The following CACNA1E variants were observed in gnomAD, a reference collection of about 807,000 sequenced individuals.
The protein encoded by CACNA1E is calcium voltage-gated channel subunit alpha1 E, also known as voltage-dependent R-type calcium channel subunit alpha-1E.
CACNA1E carries 40 observed loss-of-function variants against 259.2 expected under a neutral mutation model. That is an observed-to-expected ratio of 0.15 (90% CI 0.12 to 0.20). The LOEUF (loss-of-function observed/expected upper bound fraction) is 0.20, where lower values mean the gene tolerates loss of function less well. Ranked by LOEUF, CACNA1E falls within the 10% of genes least tolerant of loss-of-function variation. CACNA1E has a pLI of 1.00. For missense variants in CACNA1E, 1,874 were observed against 3,040.1 expected (o/e 0.62, Z 9.02); for synonymous variants, 1,104 against 1,138.5 (o/e 0.97, Z 0.61).
At chr1:181,739,396 C>T (rs150969246) in intron 25 of CACNA1E, 143 bp downstream of exon 25, 4 of 661,588 alleles carry the variant, frequency 6.0e-6, no homozygotes, top group East Asian at 5.3e-5. Context: ...CAGTCGCCCC[C>T]AGCAGAGCTC....
chr1:181,416,775 A>C (rs1658304796), intron 2 of CACNA1E, among the ~76,000 whole-genome samples: 1 of 152,110 alleles, frequency 6.6e-6, no homozygotes, highest in African/African-American at 2.4e-5. Flanking sequence ...TGTGGCGTGC[A>C]TGTCATCAGA....
chr1:181,348,742 TA>T (rs1482477417), intron 1 of CACNA1E, among the ~76,000 whole-genome samples: 1 of 152,206 alleles, frequency 6.6e-6, no homozygotes, highest in Non-Finnish European at 1.5e-5. Flanking sequence ...TTGAAAGCCA[TA>T]TTCTGCTTTC....
chr1:181,756,694 A>G (rs1658116947), intron 29 of CACNA1E, among the ~76,000 whole-genome samples: 1 of 152,208 alleles, frequency 6.6e-6, no homozygotes. Context: ...CTAAACTATG[A>G]AATGGTGTCC....
chr1:181,710,865 C>A lies in CACNA1E; in HGVS notation c.1056-89C>A, dbSNP rs1653282372. On this transcript the variant is annotated intron_variant, in intron 7 of 47. Coordinates refer to ENST00000367573, the MANE Select transcript of CACNA1E (RefSeq NM_001205293.3). ...CATGGGCTTAATAGAGGTACTTGCT[C>A]AGATGCTCTCTCTCTGTTGCTTGAT... 6.5e-6 allele frequency: 6 copies of A among 928,782 alleles called. No homozygotes were observed. The South Asian group carries it at 6.8e-5, about 11-fold the overall frequency. The allele number at this position is 928,782 out of a possible 1,614,324, so 57.5% of individuals were successfully genotyped here. A position where few individuals can be genotyped will look rare whatever the true frequency, so the allele number is the denominator to read the frequency against.
At chr1:181,715,446 G>A in intron 9 of CACNA1E, 55 bp downstream of exon 9, 1 of 949,234 alleles carries the variant, frequency 1.1e-6, no homozygotes, top group Non-Finnish European at 1.7e-6. Context: ...CTTAGGCGAT[G>A]GCAATCTCTG....
At chr1:181,787,290 TTAG>T (rs908563504) in intron 43 of CACNA1E, among the ~76,000 whole-genome samples, 1 of 152,120 alleles carries the variant, frequency 6.6e-6, no homozygotes, top group Non-Finnish European at 1.5e-5. Context: ...CAGCTAATTT[TTAG>T]TAGAGACGGG....
chr1:181,365,872 G>A (rs1013622929), intron 1 of CACNA1E, among the ~76,000 whole-genome samples: 1 of 152,252 alleles, frequency 6.6e-6, no homozygotes, highest in Non-Finnish European at 1.5e-5. Flanking sequence ...AGAGGAAGTG[G>A]ACAAGGGGGC....
intron 7 of CACNA1E, among the ~76,000 whole-genome samples, chr1:181,665,148 T>C (rs1429493444): frequency 1.1e-5 from 1 of 94,480 alleles, no homozygotes; most frequent in Non-Finnish European, 2.1e-5. Flanking sequence ...TGTATACCTA[T>C]ATACCTATAC....
At chr1:181,461,815 T>C (rs1661837211) in intron 2 of CACNA1E, among the ~76,000 whole-genome samples, 1 of 152,092 alleles carries the variant, frequency 6.6e-6, no homozygotes, top group African/African-American at 2.4e-5. Flanking sequence ...ACATTTGTTA[T>C]AGAAAATATG....
chr1:181,687,948 C>T (rs1267819367), intron 7 of CACNA1E, among the ~76,000 whole-genome samples: 2 of 152,096 alleles, frequency 1.3e-5, no homozygotes, highest in Non-Finnish European at 2.9e-5. Context: ...TAACTCAATT[C>T]CCTCATAACC....
rs1284163110 is a variant in CACNA1E, at chr1:181,732,556, C to T, written c.2470C>T (p.Pro824Ser). Residue 824 changes from proline to serine, a missense_variant, in exon 20 of 48, where the codon CCC (proline) becomes TCC (serine). Around this residue, in one of 14 missense-constraint regions of CACNA1E, gnomAD observed 476 missense variants for 514.0 expected, o/e 0.93. Coordinates refer to ENST00000367573, the MANE Select transcript of CACNA1E (RefSeq NM_001205293.3). This position sits in a 1 kb window ranked among gnomAD's most constrained non-coding sequence, Gnocchi z 5.5. ...CTCCCTCAACCCGCTCAATGCCCAC[C>T]CCAGCCTTTATCGGCGACCCAGGGC... ...LSSLNPLNAH[P>S]SLYRRPRAIE... The T allele has an allele frequency of 7.8e-6, 12 of 1,545,098 alleles. No individual in the cohort carries two copies. In the Admixed American group the frequency reaches 2.4e-4, roughly 31 times the overall value.
rs766787492 is a variant in CACNA1E at position 181,798,912 on chromosome 1, CG to C, written c.*85del. 97 of 1,308,928 alleles carry C rather than the reference CG, an allele frequency of 7.4e-5. No individual in the cohort carries two copies. Among genetic ancestry groups the C allele is most frequent in the Middle Eastern group, 1.9e-4 (1 of 5,182 alleles). 81.1% of individuals were successfully genotyped at this position (1,308,928 alleles called of 1,614,324 possible). ...ACAGAATTGGGAAGCCAGTGCGGCC[CG>C]GGGGGGAGGAAGAGGGAAAAGGAAG... On this transcript the variant is annotated 3_prime_UTR_variant, in exon 48 of 48. Transcript: ENST00000367573. This position sits in a 1 kb window ranked among gnomAD's most constrained non-coding sequence, Gnocchi z 4.2.
At chr1:181,597,571 G>A (rs1039549274) in intron 6 of CACNA1E, among the ~76,000 whole-genome samples, 1 of 152,162 alleles carries the variant, frequency 6.6e-6, no homozygotes, top group African/African-American at 2.4e-5. Flanking sequence ...ACAGTGCTGG[G>A]CACTCTACAC....
chr1:181,379,189 T>G (rs1204789819), intron 1 of CACNA1E, among the ~76,000 whole-genome samples: 1 of 151,960 alleles, frequency 6.6e-6, no homozygotes, highest in African/African-American at 2.4e-5. Flanking sequence ...GAAAAGTGTT[T>G]AAAAAAAGAA....
chr1:181,418,504 A>G (rs1204826176), intron 2 of CACNA1E, among the ~76,000 whole-genome samples: 1 of 152,072 alleles, frequency 6.6e-6, no homozygotes, highest in Non-Finnish European at 1.5e-5. Context: ...GCTGACCTCT[A>G]AATTGGTGTC....
chr1:181,651,925 C>T (rs1658796099), intron 7 of CACNA1E: 1 of 153,846 alleles, frequency 6.5e-6, no homozygotes, highest in Non-Finnish European at 1.4e-5. Flanking sequence ...CAGGAGCACA[C>T]AAAGTATAAG....
intron 25 of CACNA1E, chr1:181,745,246 C>T (rs1200726617): frequency 5.6e-6 from 2 of 356,292 alleles, no homozygotes; most frequent in East Asian, 7.4e-5. Context: ...CTGCATGTGA[C>T]ATTGGTACTG....
rs186052669 is a variant in CACNA1E at position 181,746,099 on chromosome 1, C to T, written c.3720-4377C>T. 5.3e-5 allele frequency among the ~76,000 whole-genome samples: 8 copies of T among 152,204 alleles called. No homozygotes were observed. In the South Asian group the frequency reaches 6.2e-4, roughly 12 times the overall value. On this transcript the variant is annotated intron_variant, in intron 25 of 47. Coordinates refer to ENST00000367573, the MANE Select transcript of CACNA1E (RefSeq NM_001205293.3). ...GCAGAATAACAATGGATTGAGGGTT[C>T]GAGGGTGACCCCAAGAAATGCTGAG...
At chr1:181,318,082 C>T (rs1262047784) in exon 1 of CACNA1E, 2 of 151,844 alleles carry the variant, frequency 1.3e-5, no homozygotes, top group Non-Finnish European at 2.9e-5. Context: ...ACTAGCACAC[C>T]CTCTTCATTC....
Sources: allele counts gnomAD v4.1 joint callset (sites outside exome capture counted in the v4.1 genomes callset), GRCh38; gene constraint gnomAD v4.1.1; regional missense constraint gnomAD v4.1.1; non-coding constraint Gnocchi (gnomAD v3.1); transcripts MANE v1.5; gene names NCBI Gene and HGNC (gene_info 2026-07-23, HGNC 2026-07-21).